The following LRRTM4 variants were observed in gnomAD, a reference collection of about 807,000 sequenced individuals.
The protein encoded by LRRTM4 is leucine-rich repeat transmembrane neuronal protein 4.
In LRRTM4, 25 loss-of-function variants were observed where a neutral mutation model predicts 47.6. The ratio of observed to expected loss-of-function variants is 0.53; its 90% CI spans 0.38 to 0.73. The LOEUF (loss-of-function observed/expected upper bound fraction) is 0.73. LRRTM4 is among the 30% of genes least tolerant of loss of function. LRRTM4 has a pLI of 0.00. For synonymous variants in LRRTM4, 311 were observed against 269.5 expected, an observed-to-expected ratio of 1.15 and a Z score of -1.51; for missense variants, 638 against 713.4, an observed-to-expected ratio of 0.89 and a Z score of 1.20.
At chr2:77,380,924 A>G (rs542839899) in intron 3 of LRRTM4, among the ~76,000 whole-genome samples, 3 of 152,178 alleles carry the variant, frequency 2.0e-5, no homozygotes, top group Non-Finnish European at 2.9e-5. Context: ...TATTTAGAAA[A>G]CAATATTTTA....
intron 3 of LRRTM4, among the ~76,000 whole-genome samples, chr2:77,411,786 T>C (rs1224941207): frequency 6.6e-6 from 1 of 151,904 alleles, no homozygotes; most frequent in African/African-American, 2.4e-5. Context: ...GTCTTGGATT[T>C]CTAACCTAGC....
chr2:77,352,823 CAAAA>C (rs1242486849), intron 3 of LRRTM4, among the ~76,000 whole-genome samples: 1 of 151,568 alleles, frequency 6.6e-6, no homozygotes, highest in Non-Finnish European at 1.5e-5. Flanking sequence ...AATAGAGAAA[CAAAA>C]AATAACATAA....
intron 3 of LRRTM4, among the ~76,000 whole-genome samples, chr2:77,390,375 A>G (rs532512173): frequency 4.1e-4 from 62 of 152,188 alleles, no homozygotes; most frequent in African/African-American, 1.5e-3. Context: ...ATCATTTCTC[A>G]AAATTGAGGA....
chr2:77,278,456 T>G (rs1314821226), intron 3 of LRRTM4, among the ~76,000 whole-genome samples: 1 of 151,996 alleles, frequency 6.6e-6, no homozygotes, highest in Non-Finnish European at 1.5e-5. Context: ...TAAATATGTA[T>G]GCTTTTCATT....
intron 3 of LRRTM4, among the ~76,000 whole-genome samples, chr2:77,319,991 AAAAG>A (rs1351824824): frequency 4.6e-5 from 7 of 152,190 alleles, no homozygotes; most frequent in African/African-American, 1.7e-4. Context: ...TAAACAGTGA[AAAAG>A]AAAATGTAAC....
intron 3 of LRRTM4, among the ~76,000 whole-genome samples, chr2:77,454,999 C>T (rs1221479533): frequency 6.6e-6 from 1 of 152,014 alleles, no homozygotes; most frequent in African/African-American, 2.4e-5. Flanking sequence ...ACCAGCCTGG[C>T]CAACATGGTG....
At chr2:77,134,662 T>C (rs972087667) in intron 3 of LRRTM4, among the ~76,000 whole-genome samples, 1 of 152,176 alleles carries the variant, frequency 6.6e-6, no homozygotes, top group Non-Finnish European at 1.5e-5. Context: ...AGTTCTTACT[T>C]TCCTGTCTAT....
At chr2:77,083,421 G>C (rs1680594877) in intron 3 of LRRTM4, among the ~76,000 whole-genome samples, 1 of 152,106 alleles carries the variant, frequency 6.6e-6, no homozygotes, top group African/African-American at 2.4e-5. Flanking sequence ...ATAGACTGAA[G>C]TCAGAACTTG....
intron 3 of LRRTM4, among the ~76,000 whole-genome samples, chr2:77,367,157 C>A (rs1014581712): frequency 2.0e-5 from 3 of 151,650 alleles, no homozygotes; most frequent in African/African-American, 7.3e-5. Flanking sequence ...CCTTCGTCAC[C>A]TAATTATCTT....
At chr2:77,423,517 T>C (rs1674985552) in intron 3 of LRRTM4, among the ~76,000 whole-genome samples, 1 of 152,150 alleles carries the variant, frequency 6.6e-6, no homozygotes, top group Admixed American at 6.5e-5. Context: ...GCTAGTAGCA[T>C]GGCACCATGC....
At chr2:76,857,489 A>G (rs2103995679) in intron 3 of LRRTM4, among the ~76,000 whole-genome samples, 1 of 152,032 alleles carries the variant, frequency 6.6e-6, no homozygotes, top group East Asian at 1.9e-4. Flanking sequence ...TGGGGGAACA[A>G]AAAGTTATAT....
At chr2:76,832,172 A>G (rs966813529) in intron 3 of LRRTM4, among the ~76,000 whole-genome samples, 2 of 152,084 alleles carry the variant, frequency 1.3e-5, no homozygotes, top group African/African-American at 4.8e-5. Context: ...ATTTTATTTT[A>G]TCTTATTTGC....
intron 3 of LRRTM4, among the ~76,000 whole-genome samples, chr2:76,784,363 G>A (rs1674560742): frequency 6.6e-6 from 1 of 152,002 alleles, no homozygotes; most frequent in Non-Finnish European, 1.5e-5. Context: ...TCAAATGGGT[G>A]CAAGATTGCT....
At chr2:77,423,042 A>G (rs1674963621) in intron 3 of LRRTM4, among the ~76,000 whole-genome samples, 1 of 152,084 alleles carries the variant, frequency 6.6e-6, no homozygotes, top group Non-Finnish European at 1.5e-5. Context: ...AATTTTAATC[A>G]TATTGTGTTT....
intron 3 of LRRTM4, among the ~76,000 whole-genome samples, chr2:77,367,452 G>A (rs979038598): frequency 6.6e-6 from 1 of 151,712 alleles, no homozygotes; most frequent in Non-Finnish European, 1.5e-5. Context: ...CTTGACCAGA[G>A]TACTTGTGTA....
At chr2:77,240,257 C>A (rs1675220352) in intron 3 of LRRTM4, among the ~76,000 whole-genome samples, 1 of 151,642 alleles carries the variant, frequency 6.6e-6, no homozygotes, top group African/African-American at 2.4e-5. Context: ...CATAATATAT[C>A]AAAATTAGTG....
chr2:77,185,459 A>G (rs1287568903), intron 3 of LRRTM4, among the ~76,000 whole-genome samples: 1 of 152,282 alleles, frequency 6.6e-6, no homozygotes, highest in Non-Finnish European at 1.5e-5. Context: ...GTTTACTTAT[A>G]TATCACTCCC....
intron 3 of LRRTM4, among the ~76,000 whole-genome samples, chr2:77,026,791 C>T (rs537913019): frequency 4.6e-5 from 7 of 152,066 alleles, no homozygotes; most frequent in African/African-American, 1.7e-4. Context: ...TTTGGGGAAG[C>T]CACAATGTTA....
At chr2:76,826,845 T>C (rs563400898) in intron 3 of LRRTM4, among the ~76,000 whole-genome samples, 1 of 151,940 alleles carries the variant, frequency 6.6e-6, no homozygotes, top group East Asian at 1.9e-4. Context: ...TAAAAATAAC[T>C]GTAAAGTTCT....
Sources: allele counts gnomAD v4.1 joint callset (sites outside exome capture counted in the v4.1 genomes callset), GRCh38; gene constraint gnomAD v4.1.1; transcripts MANE v1.5; gene names NCBI Gene and HGNC (gene_info 2026-07-23, HGNC 2026-07-21).